The following ZMAT4 variants were observed in gnomAD, a reference collection of about 807,000 sequenced individuals.
The protein encoded by ZMAT4 is zinc finger matrin-type 4, also known as zinc finger matrin-type protein 4.
ZMAT4 carries 17 observed loss-of-function variants against 28.7 expected under a neutral mutation model. The ratio of observed to expected loss-of-function variants is 0.59; its 90% CI spans 0.41 to 0.89. The LOEUF is 0.89. Among genes scored for constraint, ZMAT4 ranks in the 40% least tolerant of loss-of-function variants. The probability of loss-of-function intolerance (pLI) is 0.00; values close to 1 mark genes in which losing one functional copy is unlikely to be tolerated. For missense variants in ZMAT4, 240 were observed against 283.8 expected (o/e 0.85, Z 1.11); for synonymous variants, 117 against 109.2 (o/e 1.07, Z -0.44).
rs1179422965 is a variant in ZMAT4 at position 40,825,591 on chromosome 8, C to G, written c.86G>C (p.Arg29Pro). 1.9e-6 allele frequency: 3 copies of G among 1,552,916 alleles called. No individual in the cohort carries two copies. Among genetic ancestry groups the G allele is most frequent in the Non-Finnish European group, 2.6e-6 (3 of 1,147,444 alleles). The part of the protein sequence containing the change: ...CSAQLISESQ[R>P]VAHYESRKHA... ...TGTCCTTACCTCGTAGTGGGCCACA[C>G]GCTGCGATTCGGAGATCAGCTGTGC... The change falls in exon 2 of 7, where the codon CGT (arginine) becomes CCT (proline). Residue 29 changes from arginine to proline, a missense_variant. By Grantham distance (103) the Arg-to-Pro change is moderately radical (BLOSUM62 -2). Coordinates refer to ENST00000297737, the MANE Select transcript of ZMAT4 (RefSeq NM_024645.3).
intron 2 of ZMAT4, among the ~76,000 whole-genome samples, chr8:40,768,264 T>C (rs1160639417): frequency 6.6e-6 from 1 of 152,114 alleles, no homozygotes. Context: ...CTAAAGAGAA[T>C]TGTATGTCAG....
chr8:40,725,512 C>T (rs550646013), intron 3 of ZMAT4, among the ~76,000 whole-genome samples: 1 of 152,262 alleles, frequency 6.6e-6, no homozygotes, highest in East Asian at 1.9e-4. Flanking sequence ...GGCTTCAAAG[C>T]CCAATGTTGC....
rs1810216729 is a variant in ZMAT4 at position 40,703,152 on chromosome 8, C to T, written c.193-5751G>A. ...TGAATTTTACTTAGAAGCAGTGGCT[C>T]AGCATTTGCTAATTCAGTGTTGATG... is the stretch of plus-strand genomic sequence containing the variant. On this transcript the variant is annotated intron_variant, in intron 3 of 6. Coordinates refer to ENST00000297737, the MANE Select transcript of ZMAT4 (RefSeq NM_024645.3). 2.6e-5 allele frequency among the ~76,000 whole-genome samples: 4 copies of T among 152,282 alleles called. No individual in the cohort carries two copies. The South Asian group carries it at 8.3e-4, about 32-fold the overall frequency.
intron 6 of ZMAT4, among the ~76,000 whole-genome samples, chr8:40,536,069 T>C (rs1802837926): frequency 6.6e-6 from 1 of 152,180 alleles, no homozygotes. Flanking sequence ...CTGAATGACA[T>C]CCAAGGACAT....
At chr8:40,823,781 C>T (rs1815921167) in intron 2 of ZMAT4, among the ~76,000 whole-genome samples, 1 of 152,038 alleles carries the variant, frequency 6.6e-6, no homozygotes, top group Non-Finnish European at 1.5e-5. Context: ...AAACGATGGA[C>T]TTTTTTAGAT....
chr8:40,784,877 G>A (rs1814000573), intron 2 of ZMAT4, among the ~76,000 whole-genome samples: 1 of 152,202 alleles, frequency 6.6e-6, no homozygotes, highest in African/African-American at 2.4e-5. Flanking sequence ...GAGGTGGCTT[G>A]CATAGACTGA....
intron 4 of ZMAT4, among the ~76,000 whole-genome samples, chr8:40,681,758 C>T (rs1480488060): frequency 6.6e-6 from 1 of 151,888 alleles, no homozygotes. Flanking sequence ...TATAGCTAAA[C>T]ATTAAATATT....
At chr8:40,625,897 A>G (rs1207015458) in intron 5 of ZMAT4, among the ~76,000 whole-genome samples, 3 of 152,138 alleles carry the variant, frequency 2.0e-5, no homozygotes, top group Non-Finnish European at 4.4e-5. Flanking sequence ...GGATCACCTG[A>G]GGTCGGGAGT....
At chr8:40,783,073 A>G (rs1226200127) in intron 2 of ZMAT4, among the ~76,000 whole-genome samples, 1 of 152,230 alleles carries the variant, frequency 6.6e-6, no homozygotes, top group Admixed American at 6.5e-5. Context: ...CGCTCATGAG[A>G]ATTGAAAAAC....
At chr8:40,879,177 T>C (rs1307705272) in intron 1 of ZMAT4, among the ~76,000 whole-genome samples, 1 of 152,144 alleles carries the variant, frequency 6.6e-6, no homozygotes, top group Admixed American at 6.5e-5. Flanking sequence ...ATCCCAACAC[T>C]TTGGGAGGCC....
At chr8:40,734,439 A>G (rs1433023848) in intron 3 of ZMAT4, among the ~76,000 whole-genome samples, 2 of 152,242 alleles carry the variant, frequency 1.3e-5, no homozygotes, top group Non-Finnish European at 2.9e-5. Context: ...AAAAGAAAAC[A>G]AAGTCTGGAA....
intron 6 of ZMAT4, among the ~76,000 whole-genome samples, chr8:40,576,531 G>GAAAAAA (rs202047657): frequency 9.2e-4 from 120 of 130,050 alleles, no homozygotes; most frequent in African/African-American, 2.6e-3. Flanking sequence ...GGGCTGAAAG[G>GAAAAAA]AAAAAAAAAA....
At chr8:40,581,023 A>G (rs780901362) in intron 6 of ZMAT4, 142 bp downstream of exon 6, 83 of 612,652 alleles carry the variant, frequency 1.4e-4, no homozygotes, top group Non-Finnish European at 2.2e-4. Flanking sequence ...TCAAGTAAGC[A>G]TAAATATCAT....
At chr8:40,830,214 G>T (rs541175859) in intron 1 of ZMAT4, among the ~76,000 whole-genome samples, 1 of 152,126 alleles carries the variant, frequency 6.6e-6, no homozygotes, top group South Asian at 2.1e-4. Flanking sequence ...GGTTCAGGGG[G>T]TACAGGTGCT....
At chr8:40,747,173 A>T (rs1274651140) in intron 3 of ZMAT4, among the ~76,000 whole-genome samples, 1 of 152,242 alleles carries the variant, frequency 6.6e-6, no homozygotes, top group East Asian at 1.9e-4. Context: ...GAATTACTTG[A>T]AATTATCAAC....
intron 1 of ZMAT4, among the ~76,000 whole-genome samples, chr8:40,835,021 G>A (rs1016958512): frequency 6.6e-6 from 1 of 152,198 alleles, no homozygotes; most frequent in African/African-American, 2.4e-5. Context: ...CAGATGTCAG[G>A]GAAAGCGTGG....
intron 1 of ZMAT4, among the ~76,000 whole-genome samples, chr8:40,867,789 C>T (rs1817726914): frequency 6.6e-6 from 1 of 152,180 alleles, no homozygotes; most frequent in African/African-American, 2.4e-5. Flanking sequence ...TTCCCAATCC[C>T]TCTTCTTACT....
chr8:40,622,173 T>A (rs1806225492), intron 5 of ZMAT4, among the ~76,000 whole-genome samples: 1 of 152,244 alleles, frequency 6.6e-6, no homozygotes, highest in South Asian at 2.1e-4. Context: ...ACTAACCAAT[T>A]ACTATGGCTT....
intron 5 of ZMAT4, among the ~76,000 whole-genome samples, chr8:40,625,139 A>C (rs1806326667): frequency 6.6e-6 from 1 of 152,112 alleles, no homozygotes; most frequent in Non-Finnish European, 1.5e-5. Flanking sequence ...TGAGACTAAC[A>C]AATCCCAAGG....
Sources: gnomAD v4.1 joint callset for allele counts (sites outside exome capture counted in the v4.1 genomes callset) on GRCh38, gnomAD v4.1.1 for gene constraint, MANE v1.5 for transcripts, NCBI Gene and HGNC (gene_info 2026-07-23, HGNC 2026-07-21) for gene names.